The following LRRC49 variants were observed in gnomAD, a reference collection of about 807,000 sequenced individuals.
LRRC49 encodes the protein leucine rich repeat containing 49.
LRRC49 carries 50 observed loss-of-function variants against 83.3 expected under a neutral mutation model. The ratio of observed to expected loss-of-function variants is 0.60; its 90% CI spans 0.48 to 0.76. LRRC49 has a LOEUF of 0.76. Among genes scored for constraint, LRRC49 ranks in the 30% least tolerant of loss-of-function variants. The pLI is 0.00. For missense variants in LRRC49, 704 were observed against 809.1 expected (o/e 0.87, Z 1.58); for synonymous variants, 286 against 283.3 (o/e 1.01, Z -0.10).
At chr15:70,889,050 G>A (rs2033483014), upstream of LRRC49, among the ~76,000 whole-genome samples, 1 of 152,138 alleles carries the variant, frequency 6.6e-6, no homozygotes, top group African/African-American at 2.4e-5. Context: ...ATTATCTACT[G>A]AAGTTTAATG....
chr15:71,012,954 A>G, intron 14 of LRRC49, 41 bp downstream of exon 14: 1 of 1,264,546 alleles, frequency 7.9e-7, no homozygotes, highest in East Asian at 2.3e-5. Flanking sequence ...AATTACTGTT[A>G]CACTAGAAAA....
At chr15:71,033,693 T>C (rs1448437178) in intron 14 of LRRC49, among the ~76,000 whole-genome samples, 1 of 152,034 alleles carries the variant, frequency 6.6e-6, no homozygotes, top group African/African-American at 2.4e-5. Context: ...AACAGACACA[T>C]ACACCAGTGG....
chr15:70,908,058 A>G, intron 5 of LRRC49: 1 of 455,134 alleles, frequency 2.2e-6, no homozygotes, highest in South Asian at 1.6e-5. Context: ...GCAACTCATG[A>G]GAACAAGAGA....
At chr15:70,882,156 A>G (rs1010402327) in intron 2 of LRRC49, 7 of 267,360 alleles carry the variant, frequency 2.6e-5, no homozygotes, top group African/African-American at 8.9e-5. Flanking sequence ...CAAATATTCA[A>G]TGCTTAATTT....
intron 9 of LRRC49, among the ~76,000 whole-genome samples, chr15:70,975,488 T>A (rs1029535212): frequency 8.5e-5 from 13 of 152,074 alleles, no homozygotes; most frequent in Admixed American, 4.6e-4. Context: ...AGTCAGGAGT[T>A]TGAGACCAGC....
At chr15:71,036,669 G>T (rs550709482) in intron 14 of LRRC49, among the ~76,000 whole-genome samples, 1 of 152,148 alleles carries the variant, frequency 6.6e-6, no homozygotes, top group Non-Finnish European at 1.5e-5. Flanking sequence ...GCCATGATAT[G>T]CTCACAATTG....
chr15:70,853,910 T>G, intron 1 of LRRC49: 1 of 1,368,020 alleles, frequency 7.3e-7, no homozygotes, highest in Non-Finnish European at 9.5e-7. Flanking sequence ...GCTCGGCTCC[T>G]CCTCGCTCGC....
chr15:71,040,244 G>C (rs760728649), intron 15 of LRRC49, among the ~76,000 whole-genome samples: 2 of 152,130 alleles, frequency 1.3e-5, no homozygotes, highest in Non-Finnish European at 2.9e-5. Flanking sequence ...AAATTGCATA[G>C]TGTTATGCTT....
intron 11 of LRRC49, among the ~76,000 whole-genome samples, chr15:70,998,956 A>C (rs2141249294): frequency 6.6e-6 from 1 of 152,248 alleles, no homozygotes; most frequent in East Asian, 1.9e-4. Flanking sequence ...TCTGCCTGCT[A>C]AAATCTGCTG....
chr15:70,939,918 G>A (rs1272998005), intron 8 of LRRC49, among the ~76,000 whole-genome samples: 1 of 137,508 alleles, frequency 7.3e-6, no homozygotes, highest in Non-Finnish European at 1.5e-5. Context: ...TAGTACATAT[G>A]TTAGTACATA....
At chr15:71,038,855 C>T (rs2039609776) in intron 15 of LRRC49, among the ~76,000 whole-genome samples, 1 of 152,142 alleles carries the variant, frequency 6.6e-6, no homozygotes, top group Non-Finnish European at 1.5e-5. Context: ...TTCATACTTT[C>T]ATTCATTCAA....
chr15:70,945,038 T>C (rs2035960496), intron 8 of LRRC49, among the ~76,000 whole-genome samples: 1 of 152,202 alleles, frequency 6.6e-6, no homozygotes, highest in Admixed American at 6.5e-5. Flanking sequence ...CACATCCTAA[T>C]ATTTAGCCAA....
chr15:71,005,292 T>C (rs949056974), intron 11 of LRRC49, among the ~76,000 whole-genome samples: 2 of 152,084 alleles, frequency 1.3e-5, no homozygotes, highest in African/African-American at 4.8e-5. Context: ...AATTAGTCAT[T>C]CCTTTCTCTG....
At chr15:70,963,057 G>A (rs1183212886) in intron 8 of LRRC49, among the ~76,000 whole-genome samples, 5 of 151,726 alleles carry the variant, frequency 3.3e-5, no homozygotes, top group Non-Finnish European at 7.4e-5. Flanking sequence ...GCTTAAACAG[G>A]AGTTCGAGAC....
chr15:70,854,182 G>T (rs1266793472), intron 1 of LRRC49: 2 of 938,306 alleles, frequency 2.1e-6, no homozygotes, highest in Non-Finnish European at 2.7e-6. Context: ...GGGGCGGTGC[G>T]AGCGCGCCTG....
intron 15 of LRRC49, among the ~76,000 whole-genome samples, chr15:71,044,708 C>T (rs905996109): frequency 6.6e-6 from 1 of 151,826 alleles, no homozygotes; most frequent in Non-Finnish European, 1.5e-5. Context: ...GTCGTTTGAG[C>T]CTGGGAGGCA....
intron 8 of LRRC49, among the ~76,000 whole-genome samples, chr15:70,954,712 A>G (rs1470370862): frequency 9.9e-6 from 1 of 100,938 alleles, no homozygotes; most frequent in Non-Finnish European, 2.3e-5. Flanking sequence ...TCAGCTCCAT[A>G]CTGCTGGGAT....
chr15:70,961,570 A>T (rs1186888797), intron 8 of LRRC49, among the ~76,000 whole-genome samples: 1 of 152,222 alleles, frequency 6.6e-6, no homozygotes. Flanking sequence ...CTCAGTGATA[A>T]AAAGAAATGA....
At chr15:71,042,462 A>G (rs1057049044) in intron 15 of LRRC49, among the ~76,000 whole-genome samples, 2 of 152,202 alleles carry the variant, frequency 1.3e-5, no homozygotes, top group Non-Finnish European at 2.9e-5. Context: ...TCTAACAATC[A>G]GGAGATGTGG....
Sources: allele counts gnomAD v4.1 joint callset (sites outside exome capture counted in the v4.1 genomes callset), GRCh38; gene constraint gnomAD v4.1.1; transcripts MANE v1.5; gene names NCBI Gene and HGNC (gene_info 2026-07-23, HGNC 2026-07-21).